SLC35F1: variants seen among roughly 807,000 people sequenced by gnomAD.
SLC35F1 encodes solute carrier family 35 member F1.
SLC35F1 carries 14 observed loss-of-function variants against 48.7 expected under a neutral mutation model. The ratio of observed to expected loss-of-function variants is 0.29; its 90% confidence interval spans 0.19 to 0.45. The LOEUF (loss-of-function observed/expected upper bound fraction) is 0.45. SLC35F1 is among the 20% of genes least tolerant of loss of function. SLC35F1 has a pLI of 1.00. For synonymous variants in SLC35F1, 190 were observed against 202.2 expected, an observed-to-expected ratio of 0.94 and a Z score of 0.51; for missense variants, 404 against 500.0, an observed-to-expected ratio of 0.81 and a Z score of 1.83.
rs2114790287 is a variant in SLC35F1 at position 117,907,837 on chromosome 6, C to G, written c.111C>G (p.Gly37=). 1 of 1,537,552 alleles carries G rather than the reference C, an allele frequency of 6.5e-7. No homozygotes were observed. Among genetic ancestry groups the G allele is most frequent in the Non-Finnish European group, 8.7e-7 (1 of 1,152,438 alleles). The change falls in exon 1 of 8, where the codon GGC becomes GGG. Residue 37 remains glycine, a synonymous_variant. Transcript: ENST00000360388. ...TGCCGGCCGAGGGCAGCGGCGGCGG[C>G]GGGAGCCTGTCCGCCTCCTCCCGGG... ...ENLPAEGSGG[G]GSLSASSRAG... is the part of the protein sequence containing the mutation.
intron 1 of SLC35F1, among the ~76,000 whole-genome samples, chr6:118,100,808 A>G (rs1480305320): frequency 1.6e-4 from 24 of 152,176 alleles, no homozygotes. Context: ...GGCCTATATC[A>G]TGTGGTACAA....
At chr6:118,233,187 G>T (rs1336081704) in intron 2 of SLC35F1, among the ~76,000 whole-genome samples, 1 of 152,094 alleles carries the variant, frequency 6.6e-6, no homozygotes, top group Non-Finnish European at 1.5e-5. Flanking sequence ...GGATGATCTC[G>T]ATCTCTTGAC....
intron 2 of SLC35F1, among the ~76,000 whole-genome samples, chr6:118,178,919 A>C (rs1774532587): frequency 6.6e-6 from 1 of 152,164 alleles, no homozygotes; most frequent in African/African-American, 2.4e-5. Context: ...GAGCCATAAC[A>C]GAAAGATTAT....
intron 1 of SLC35F1, among the ~76,000 whole-genome samples, chr6:118,072,582 T>A (rs1215932705): frequency 6.6e-6 from 1 of 151,888 alleles, no homozygotes; most frequent in Non-Finnish European, 1.5e-5. Context: ...AAAAAAAAAA[T>A]TAGAGGATTT....
At chr6:118,136,115 G>C (rs1466950946) in intron 1 of SLC35F1, among the ~76,000 whole-genome samples, 2 of 152,198 alleles carry the variant, frequency 1.3e-5, no homozygotes, top group East Asian at 3.9e-4. Context: ...CCTGCTGTGA[G>C]CATGTGGTAC....
chr6:117,963,593 C>T (rs980397765), intron 1 of SLC35F1, among the ~76,000 whole-genome samples: 2 of 152,120 alleles, frequency 1.3e-5, no homozygotes, highest in African/African-American at 4.8e-5. Context: ...GCTTTTTAAA[C>T]TCCTAAAGTC....
At chr6:118,051,330 A>T (rs1772387980) in intron 1 of SLC35F1, among the ~76,000 whole-genome samples, 1 of 152,104 alleles carries the variant, frequency 6.6e-6, no homozygotes, top group Admixed American at 6.6e-5. Context: ...CTTACTAAGT[A>T]CTCATTGTGG....
At chr6:118,118,748 G>C (rs1773507196) in intron 1 of SLC35F1, among the ~76,000 whole-genome samples, 1 of 152,100 alleles carries the variant, frequency 6.6e-6, no homozygotes. Flanking sequence ...AAACAGAGCA[G>C]AACTCATTTC....
In SLC35F1 at chr6:117,942,130, T is replaced by A. The variant is rs146088066; in HGVS notation, c.173+34231T>A. Reference sequence around the variant, plus strand: ...GCAGTATCACATCTTTTTACAGACATTGGTACTTACCCAGCAGAACCTCAG... The same window carrying A: ...GCAGTATCACATCTTTTTACAGACAATGGTACTTACCCAGCAGAACCTCAG... On this transcript the variant is annotated intron_variant, in intron 1 of 7. Transcript: ENST00000360388. 7.9e-4 allele frequency among the ~76,000 whole-genome samples: 120 copies of A among 152,276 alleles called. 1 individual carries two copies. In the East Asian group the frequency reaches 0.022, roughly 27 times the overall value.
chr6:117,977,201 C>CTTT (rs35727493), intron 1 of SLC35F1, among the ~76,000 whole-genome samples: 1 of 143,404 alleles, frequency 7.0e-6, no homozygotes. Context: ...TTCTTTCTTT[C>CTTT]TTTTTTTTTT....
At chr6:118,180,822 C>A (rs571253695) in intron 2 of SLC35F1, among the ~76,000 whole-genome samples, 2 of 152,160 alleles carry the variant, frequency 1.3e-5, no homozygotes, top group East Asian at 1.9e-4. Flanking sequence ...ATAAAAGACA[C>A]AAATGCCTAG....
At chr6:117,947,305 G>T (rs902302186) in intron 1 of SLC35F1, among the ~76,000 whole-genome samples, 2 of 152,166 alleles carry the variant, frequency 1.3e-5, no homozygotes, top group African/African-American at 4.8e-5. Flanking sequence ...AGCCCAGGAA[G>T]GCTGGAAAGT....
At chr6:118,278,853 C>T (rs1481353102) in intron 6 of SLC35F1, among the ~76,000 whole-genome samples, 1 of 152,142 alleles carries the variant, frequency 6.6e-6, no homozygotes, top group African/African-American at 2.4e-5. Flanking sequence ...TAGTAATGAT[C>T]AAAAAGAATT....
At chr6:118,004,437 T>C (rs1777147259) in intron 1 of SLC35F1, among the ~76,000 whole-genome samples, 1 of 152,242 alleles carries the variant, frequency 6.6e-6, no homozygotes, top group Non-Finnish European at 1.5e-5. Context: ...AAATCCTATG[T>C]AAACAATGTA....
intron 1 of SLC35F1, among the ~76,000 whole-genome samples, chr6:117,943,690 T>TGAG (rs754602044): frequency 2.0e-5 from 3 of 152,200 alleles, no homozygotes; most frequent in Non-Finnish European, 4.4e-5. Flanking sequence ...GAAGTGAACA[T>TGAG]GAGGACTACT....
chr6:117,962,378 T>G (rs987074031), intron 1 of SLC35F1, among the ~76,000 whole-genome samples: 1 of 152,216 alleles, frequency 6.6e-6, no homozygotes, highest in Non-Finnish European at 1.5e-5. Context: ...CCTTCACTTA[T>G]TAAAACTTCC....
At chr6:118,240,751 G>A (rs1323105877) in intron 3 of SLC35F1, among the ~76,000 whole-genome samples, 1 of 152,184 alleles carries the variant, frequency 6.6e-6, no homozygotes, top group Non-Finnish European at 1.5e-5. Context: ...TAGTTGGAAG[G>A]GAAAGAGATT....
At chr6:118,067,686 C>A (rs1337005192) in intron 1 of SLC35F1, among the ~76,000 whole-genome samples, 1 of 152,098 alleles carries the variant, frequency 6.6e-6, no homozygotes, top group East Asian at 1.9e-4. Context: ...ATTTCAAGAG[C>A]AGGTGCAATT....
chr6:118,242,313 A>T (rs190472929), intron 3 of SLC35F1, among the ~76,000 whole-genome samples: 150 of 152,346 alleles, frequency 9.8e-4, no homozygotes, highest in African/African-American at 2.8e-3. Flanking sequence ...ATATTTACAG[A>T]ATGGCTAGTA....
Sources: gnomAD v4.1 joint callset for allele counts (sites outside exome capture counted in the v4.1 genomes callset) on GRCh38, gnomAD v4.1.1 for gene constraint, MANE v1.5 for transcripts, NCBI Gene and HGNC (gene_info 2026-07-23, HGNC 2026-07-21) for gene names.